RPS10: variants seen among roughly 807,000 people sequenced by gnomAD.
RPS10 encodes ribosomal protein S10, also known as small ribosomal subunit protein eS10.
In RPS10, 2 loss-of-function variants were observed where a neutral mutation model predicts 22.6. That is an observed-to-expected ratio of 0.09 (90% CI 0.04 to 0.28). The LOEUF (loss-of-function observed/expected upper bound fraction) is 0.28, where lower values mean the gene tolerates loss of function less well. RPS10 is among the 10% of genes least tolerant of loss of function. The pLI is 1.00. For synonymous variants in RPS10, 70 were observed against 75.9 expected (o/e 0.92, Z 0.40); for missense variants, 137 against 222.2 (o/e 0.62, Z 2.44).
intron 3 of RPS10, 35 bp downstream of exon 3, chr6:34,424,634 T>G: frequency 2.5e-6 from 4 of 1,613,418 alleles, no homozygotes; most frequent in Non-Finnish European, 2.5e-6. Flanking sequence ...GAAACTATCT[T>G]CAAATAGCTG....
chr6:34,421,742 T>A lies in RPS10; in HGVS notation c.388A>T (p.Ser130Cys). The A allele has an allele frequency of 6.2e-7, 1 of 1,613,888 alleles. No homozygotes were observed. The highest frequency in any genetic ancestry group is 8.5e-7 in the Non-Finnish European group (1 of 1,179,866). Residue 130 changes from serine (S) to cysteine (C), a missense_variant, in exon 4 of 6, where the codon AGT becomes TGT. Physicochemically the swap from Ser to Cys is moderately radical, Grantham distance 112. Transcript: ENST00000648437. ...TGCATTTACTCACGTGGCACAGCAC[T>A]CCGTCTGTAGGTATCTCTGTCAGCT... ...GEADRDTYRR[S>C]AVPPGADKKA...
chr6:34,418,365 T>G lies in RPS10; in HGVS notation c.456+4A>C, dbSNP rs1394668972. On this transcript the variant is annotated splice_donor_region_variant and intron_variant, in intron 5 of 5. Coordinates refer to ENST00000648437, the MANE Select transcript of RPS10 (RefSeq NM_001014.5). ...TCATGGAAAACAAATAGGAAGATAC[T>G]CACAAACTGGAATTCGGTTGCTGAC... 6.2e-7 allele frequency: 1 copy of G among 1,614,072 alleles called. No individual in the cohort carries two copies. The highest frequency in any genetic ancestry group is 2.2e-5 in the East Asian group (1 of 44,882).
intron 4 of RPS10, among the ~76,000 whole-genome samples, 194 bp downstream of exon 4, chr6:34,421,536 C>G (rs1765769364): frequency 6.6e-6 from 1 of 152,072 alleles, no homozygotes; most frequent in Non-Finnish European, 1.5e-5. Flanking sequence ...TCCTAATTCT[C>G]ATCTATGAAA....
chr6:34,420,610 A>C (rs1411900862), intron 4 of RPS10, among the ~76,000 whole-genome samples: 1 of 152,140 alleles, frequency 6.6e-6, no homozygotes, highest in Non-Finnish European at 1.5e-5. Flanking sequence ...TACTCAGGTC[A>C]AGTGGTCACT....
intron 3 of RPS10, among the ~76,000 whole-genome samples, chr6:34,423,947 AAGGT>A (rs1316467215): frequency 6.6e-6 from 1 of 151,970 alleles, no homozygotes; most frequent in Admixed American, 6.6e-5. Flanking sequence ...TGAGCTCCAT[AAGGT>A]AACTCTCCAG....
intron 5 of RPS10, 67 bp downstream of exon 5, chr6:34,418,302 T>C (rs1413668417): frequency 3.7e-6 from 6 of 1,612,664 alleles, no homozygotes; most frequent in African/African-American, 1.3e-5. Flanking sequence ...CCCCACAACT[T>C]GCAGAGCAAC....
At chr6:34,417,738 C>G (rs1015405180) in intron 5 of RPS10, 191 bp from the exon 6 acceptor site, 6 of 724,462 alleles carry the variant, frequency 8.3e-6, no homozygotes, top group Middle Eastern at 2.3e-4. Flanking sequence ...ACATCTAGGC[C>G]CATTTCTTCA....
chr6:34,424,994 C>CTCCATCCCAT (rs1156583794), intron 2 of RPS10, 78 bp downstream of exon 2: 12 of 1,609,112 alleles, frequency 7.5e-6, no homozygotes, highest in Non-Finnish European at 1.0e-5. Flanking sequence ...GGGAAGATCC[C>CTCCATCCCAT]TCCATCCCAT....
At chr6:34,424,295 T>A (rs944881309) in intron 3 of RPS10, 30 of 291,980 alleles carry the variant, frequency 1.0e-4, no homozygotes, top group African/African-American at 6.0e-4. Flanking sequence ...TCTTCTCCTG[T>A]TGGCAAGAAA....
chr6:34,424,797 C>T lies in RPS10; in HGVS notation c.194G>A (p.Arg65Lys). Residue 65 changes from arginine to lysine, a missense_variant, in exon 3 of 6, where the codon AGA (arginine) becomes AAA (lysine). By Grantham distance (26) the Arg-to-Lys change is conservative (BLOSUM62 2). Coordinates refer to ENST00000648437, the MANE Select transcript of RPS10 (RefSeq NM_001014.5). ...ATTGGTAAGGTACCAGTAGAAATGT[C>T]TCCAGGCAAACTGTTCCTTCACGTA... is the stretch of plus-strand genomic sequence containing the variant. Reference protein sequence around the residue: ...RGYVKEQFAWRHFYWYLTNEG... With the variant: ...RGYVKEQFAWKHFYWYLTNEG... 6.2e-7 allele frequency: 1 copy of T among 1,614,126 alleles called. No homozygotes were observed. The highest frequency in any genetic ancestry group is 8.5e-7 in the Non-Finnish European group (1 of 1,180,040).
At position 34,421,805 on chromosome 6, in the gene RPS10, G is replaced by A. The variant is rs772032285; in HGVS notation, c.325C>T (p.Leu109=). The change falls in exon 4 of 6, where the codon CTG becomes TTG. Residue 109 remains leucine, a splice_region_variant and synonymous_variant. Transcript: ENST00000648437. The stretch of plus-strand genomic sequence containing the variant: ...AGTCTCGCAGGTCGCTCACCCTCCA[G>A]ACCTATGTAAATCAAACCACACTGT... ...PETGRPRPKG[L]EGERPARLTR... 1 of 1,613,754 alleles carries A rather than the reference G, an allele frequency of 6.2e-7. No individual in the cohort carries two copies. Among genetic ancestry groups the A allele is most frequent in the Non-Finnish European group, 8.5e-7 (1 of 1,179,870 alleles).
chr6:34,421,899 C>T, intron 3 of RPS10, 92 bp from the exon 4 acceptor site: 1 of 1,368,440 alleles, frequency 7.3e-7, no homozygotes, highest in South Asian at 1.2e-5. Flanking sequence ...CCTGTTGTCA[C>T]TCTCAGCAAC....
intron 1 of RPS10, 135 bp from the exon 2 acceptor site, chr6:34,425,356 C>G: frequency 8.7e-7 from 1 of 1,147,936 alleles, no homozygotes; most frequent in African/African-American, 1.5e-5. Context: ...CTCCACAAAA[C>G]AGATTCGGCA....
At chr6:34,418,332 G>C in intron 5 of RPS10, 37 bp downstream of exon 5, 1 of 1,614,004 alleles carries the variant, frequency 6.2e-7, no homozygotes, top group Non-Finnish European at 8.5e-7. Context: ...GCCAGAACAA[G>C]TGATGGCTCA....
intron 3 of RPS10, among the ~76,000 whole-genome samples, chr6:34,422,525 G>A (rs1230584714): frequency 6.6e-6 from 1 of 152,012 alleles, no homozygotes; most frequent in Admixed American, 6.6e-5. Context: ...CTGTTGGCCA[G>A]GCTGGTCTCC....
chr6:34,424,048 T>C (rs981882291), intron 3 of RPS10, among the ~76,000 whole-genome samples: 1 of 140,058 alleles, frequency 7.1e-6, no homozygotes, highest in African/African-American at 2.6e-5. Context: ...CTACAGAGTT[T>C]TGTAACAAAG....
At chr6:34,421,135 C>A (rs1377146640) in intron 4 of RPS10, among the ~76,000 whole-genome samples, 1 of 149,072 alleles carries the variant, frequency 6.7e-6, no homozygotes, top group Non-Finnish European at 1.5e-5. Context: ...CTCTGTCACC[C>A]AGGCTGGAGT....
intron 4 of RPS10, among the ~76,000 whole-genome samples, chr6:34,421,368 G>A (rs899973777): frequency 6.6e-6 from 1 of 151,862 alleles, no homozygotes; most frequent in Non-Finnish European, 1.5e-5. Flanking sequence ...ATTTTTAATA[G>A]AGACAGGGTT....
chr6:34,423,177 C>CTT (rs199709103), intron 3 of RPS10, among the ~76,000 whole-genome samples: 3 of 146,306 alleles, frequency 2.1e-5, no homozygotes, highest in African/African-American at 7.5e-5. Context: ...ACTATGTCTC[C>CTT]TTTTTTTTTT....
Sources: allele counts gnomAD v4.1 joint callset (sites outside exome capture counted in the v4.1 genomes callset), GRCh38; gene constraint gnomAD v4.1.1; transcripts MANE v1.5; gene names NCBI Gene and HGNC (gene_info 2026-07-23, HGNC 2026-07-21).